The following PXK variants were observed in gnomAD, a reference collection of about 807,000 sequenced individuals.
PXK encodes PX domain-containing protein kinase-like protein.
A neutral mutation model predicts 84.7 loss-of-function variants in PXK; 35 were observed. The ratio of observed to expected loss-of-function variants is 0.41; its 90% CI spans 0.32 to 0.55. The LOEUF is 0.55. Among genes scored for constraint, PXK ranks in the 20% least tolerant of loss-of-function variants. The pLI, the probability that PXK is intolerant of heterozygous loss-of-function variation, is 0.21. For synonymous variants in PXK, 253 were observed against 260.8 expected (o/e 0.97, Z 0.29); for missense variants, 634 against 699.7 (o/e 0.91, Z 1.06).
chr3:58,367,646 C>T (rs1342141804), intron 2 of PXK, among the ~76,000 whole-genome samples: 1 of 152,052 alleles, frequency 6.6e-6, no homozygotes, highest in Non-Finnish European at 1.5e-5. Context: ...AATGGATAGC[C>T]ATGTAGAATG....
intron 1 of PXK, among the ~76,000 whole-genome samples, chr3:58,359,016 G>C (rs188948595): frequency 9.1e-4 from 139 of 152,226 alleles, no homozygotes; most frequent in African/African-American, 3.3e-3. Flanking sequence ...GCACTTTTCT[G>C]TTGAGAATCA....
intron 3 of PXK, among the ~76,000 whole-genome samples, chr3:58,378,541 T>C (rs2098467540): frequency 1.5e-5 from 2 of 132,062 alleles, no homozygotes; most frequent in South Asian, 5.3e-4. Context: ...TGTGTGTGTG[T>C]GTGTGTGTGT....
rs1403439876 is a variant in PXK at position 58,416,054 on chromosome 3, C to T, written c.1528+3091C>T. 2.0e-5 allele frequency among the ~76,000 whole-genome samples: 3 copies of T among 152,166 alleles called. No individual in the cohort carries two copies. The highest frequency in any genetic ancestry group is 1.5e-5 in the Non-Finnish European group (1 of 68,024). On this transcript the variant is annotated intron_variant, in intron 17 of 17. Coordinates refer to ENST00000356151, the MANE Select transcript of PXK (RefSeq NM_017771.5). This position sits in a 1 kb window ranked among gnomAD's most constrained non-coding sequence, Gnocchi z 4.8. ...TTTCTCCAAGCCTCTCAAGAAGAAA[C>T]TTAGAACAAAGGACGGTGGGATTGA...
At chr3:58,378,509 TTTTTGTGTGTGTGTGTGTGTGTG>T in intron 3 of PXK, among the ~76,000 whole-genome samples, 1 of 43,574 alleles carries the variant, frequency 2.3e-5, no homozygotes, top group Non-Finnish European at 5.8e-5. Flanking sequence ...TTTTTTTTTT[TTTTTGTGTGTGTGTGTGTGTGTG>T]TGTGTGTGTG....
chr3:58,423,221 G>T, intron 17 of PXK: 1 of 982,950 alleles, frequency 1.0e-6, no homozygotes, highest in Non-Finnish European at 1.2e-6. Flanking sequence ...CACTTCAACA[G>T]TTACTTCAGG....
chr3:58,345,552 C>T (rs1348652615), intron 1 of PXK, among the ~76,000 whole-genome samples: 1 of 152,140 alleles, frequency 6.6e-6, no homozygotes, highest in African/African-American at 2.4e-5. Flanking sequence ...TGTGTTTTGT[C>T]ATTGGCATTG....
At chr3:58,382,449 A>G in intron 3 of PXK, 65 bp from the exon 4 acceptor site, 1 of 1,343,904 alleles carries the variant, frequency 7.4e-7, no homozygotes, top group Non-Finnish European at 9.8e-7. Context: ...TGATAGGTCA[A>G]GATTTTTGTG....
intron 17 of PXK, among the ~76,000 whole-genome samples, chr3:58,415,753 G>A (rs11718352): frequency 0.3 from 45,110 of 152,182 alleles, 7,452 homozygotes; most frequent in Middle Eastern, 0.39. Flanking sequence ...AGGAGGACCA[G>A]GCAGCAAAAT....
intron 1 of PXK, among the ~76,000 whole-genome samples, chr3:58,365,025 T>C (rs551699524): frequency 6.6e-6 from 1 of 152,152 alleles, no homozygotes; most frequent in African/African-American, 2.4e-5. Context: ...TATTGATTTC[T>C]GCTCTTTATT....
chr3:58,367,963 G>A (rs993220278), intron 2 of PXK, among the ~76,000 whole-genome samples: 9 of 152,096 alleles, frequency 5.9e-5, no homozygotes, highest in Admixed American at 3.3e-4. Flanking sequence ...GGGATTGTAG[G>A]CATGAGCCAC....
In PXK at chr3:58,409,816, A is replaced by G. The variant is rs1003755522; in HGVS notation, c.1395+198A>G. Among the ~76,000 whole-genome samples, 2 of 152,066 alleles carry G rather than the reference A, an allele frequency of 1.3e-5. No homozygotes were observed. Among genetic ancestry groups the G allele is most frequent in the Non-Finnish European group, 2.9e-5 (2 of 68,024 alleles). The stretch of plus-strand genomic sequence containing the variant: ...ATGATAATCAGCCGAGAAATAGCCC[A>G]TGTAGTTTCCTAGCTTGCTGGGCAG... On this transcript the variant is annotated intron_variant, in intron 15 of 17. Transcript: ENST00000356151. This position sits in a 1 kb window ranked among gnomAD's most constrained non-coding sequence, Gnocchi z 4.2.
Position 58,364,763 on chromosome 3 carries a change from G to T in PXK, c.103-1111G>T, listed in dbSNP as rs2098245749. On this transcript the variant is annotated intron_variant, in intron 1 of 17. Coordinates refer to ENST00000356151, the MANE Select transcript of PXK (RefSeq NM_017771.5). The surrounding 1 kb of genome is among the most constrained non-coding windows in gnomAD (Gnocchi z 4.3). ...AAATTATGTATTTCATATTGAGTGA[G>T]TTGTGGTATTTAGTGTTCCTGAGGA... Among the ~76,000 whole-genome samples the T allele has an allele frequency of 6.6e-6, 1 of 152,044 alleles. No homozygotes were observed. The highest frequency in any genetic ancestry group is 6.6e-5 in the Admixed American group (1 of 15,258).
At chr3:58,396,979 A>T in intron 9 of PXK, 60 bp from the exon 10 acceptor site, 1 of 1,515,298 alleles carries the variant, frequency 6.6e-7, no homozygotes, top group African/African-American at 1.4e-5. Context: ...AACAAAGTTT[A>T]ACTTGTCTTA....
In PXK at chr3:58,333,874, AC is replaced by A. The variant is rs1396340928; in HGVS notation, c.102+786del. 1.4e-5 allele frequency among the ~76,000 whole-genome samples: 2 copies of A among 144,906 alleles called. No individual in the cohort carries two copies. Among genetic ancestry groups the A allele is most frequent in the East Asian group, 2.0e-4 (1 of 5,108 alleles). ...ACCGTGGTTGTTTTCATTTGCTTGTACCTTTTTTTTTTTTTGAAAGGCCCAC... is the reference window on the plus strand; with the variant it reads ...ACCGTGGTTGTTTTCATTTGCTTGTACTTTTTTTTTTTTTGAAAGGCCCAC... On this transcript the variant is annotated intron_variant, in intron 1 of 17. Transcript: ENST00000356151. This position sits in a 1 kb window ranked among gnomAD's most constrained non-coding sequence, Gnocchi z 5.4.
At chr3:58,349,541 A>G (rs931237099) in intron 1 of PXK, among the ~76,000 whole-genome samples, 1 of 151,892 alleles carries the variant, frequency 6.6e-6, no homozygotes, top group Non-Finnish European at 1.5e-5. Context: ...TTTTTAGTAG[A>G]GACGGGGTTT....
Position 58,409,595 on chromosome 3 carries a change from AAAAG to A in PXK, c.1378_1381del (p.Lys460PhefsTer2). 6.2e-7 allele frequency: 1 copy of A among 1,612,748 alleles called. No homozygotes were observed. Among genetic ancestry groups the A allele is most frequent in the East Asian group, 2.2e-5 (1 of 44,878 alleles). ...CCATGGATCTGAGGAGGAAAGAAAA[AAAAG>A]AAAGATTTTAGCTCGAAAGGTAAGC... On this transcript the variant is annotated frameshift_variant, in exon 15 of 18. Transcript: ENST00000356151. LOFTEE classifies it high-confidence loss of function. The surrounding 1 kb of genome is among the most constrained non-coding windows in gnomAD (Gnocchi z 4.2).
At chr3:58,359,737 A>G (rs1245310539) in intron 1 of PXK, among the ~76,000 whole-genome samples, 1 of 151,916 alleles carries the variant, frequency 6.6e-6, no homozygotes, top group Non-Finnish European at 1.5e-5. Flanking sequence ...AAACGAACCT[A>G]AGTTGACAAG....
intron 3 of PXK, among the ~76,000 whole-genome samples, chr3:58,372,417 G>T (rs961658793): frequency 1.3e-5 from 2 of 151,916 alleles, no homozygotes; most frequent in Admixed American, 1.3e-4. Context: ...CCGCCTCCCG[G>T]GTTCACCTCA....
intron 1 of PXK, among the ~76,000 whole-genome samples, chr3:58,336,942 T>A (rs1328460290): frequency 6.6e-6 from 1 of 152,154 alleles, no homozygotes; most frequent in East Asian, 1.9e-4. Flanking sequence ...CCCAAGTAGC[T>A]GGGATTACAG....
Sources: allele counts gnomAD v4.1 joint callset (sites outside exome capture counted in the v4.1 genomes callset), GRCh38; gene constraint gnomAD v4.1.1; non-coding constraint Gnocchi (gnomAD v3.1); transcripts MANE v1.5; gene names NCBI Gene and HGNC (gene_info 2026-07-23, HGNC 2026-07-21).